Variants in PLS3 observed in about 807,000 individuals in gnomAD.
PLS3 encodes plastin-3.
A neutral mutation model predicts 46.5 loss-of-function variants in PLS3; 11 were observed. The observed-to-expected ratio is 0.24, with a 90% CI of 0.15 to 0.39. The LOEUF (loss-of-function observed/expected upper bound fraction) is 0.39. Among genes scored for constraint, PLS3 ranks in the 10% least tolerant of loss-of-function variants. The pLI, the probability that PLS3 is intolerant of heterozygous loss-of-function variation, is 1.00. For synonymous variants in PLS3, 167 were observed against 162.2 expected (o/e 1.03, Z -0.22); for missense variants, 308 against 461.8 (o/e 0.67, Z 3.05).
chrX:115,634,055 A>G lies in PLS3; in HGVS notation c.556A>G (p.Lys186Glu). Reference sequence around the variant, plus strand: ...CATTGATGAAAGAGCAATCAACAAGAAGAAACTTACACCCTTCATCATTCA... The same window carrying G: ...CATTGATGAAAGAGCAATCAACAAGGAGAAACTTACACCCTTCATCATTCA... Reference protein sequence around the residue: ...DTIDERAINKKKLTPFIIQEN... With the variant: ...DTIDERAINKEKLTPFIIQEN... The change falls in exon 6 of 16, where the codon AAG (lysine) becomes GAG (glutamate). Residue 186 changes from lysine (K) to glutamate (E), a missense_variant. Coordinates refer to ENST00000355899, the MANE Select transcript of PLS3 (RefSeq NM_005032.7). The G allele has an allele frequency of 1.7e-6, 2 of 1,157,352 alleles. No individual in the cohort carries two copies. The highest frequency in any genetic ancestry group is 2.4e-6 in the Non-Finnish European group (2 of 847,984).
chrX:115,597,245 G>A (rs1381183466), intron 1 of PLS3, among the ~76,000 whole-genome samples: 2 of 111,643 alleles, frequency 1.8e-5, no homozygotes, highest in Non-Finnish European at 3.8e-5. Context: ...GGCTAAAATG[G>A]CTTAGTCTAA....
intron 8 of PLS3, chrX:115,640,102 C>CT (rs1185971156): frequency 8.9e-7 from 1 of 1,124,241 alleles, no homozygotes; most frequent in East Asian, 3.3e-5. Flanking sequence ...CTTGTTTTGT[C>CT]TGTCAAGCTT....
At chrX:115,609,967 G>T (rs1225715005) in intron 1 of PLS3, among the ~76,000 whole-genome samples, 1 of 111,909 alleles carries the variant, frequency 8.9e-6, no homozygotes, top group Non-Finnish European at 1.9e-5. Context: ...TGTCACTGCT[G>T]GGTACTTTGG....
chrX:115,631,576 A>G, intron 5 of PLS3, among the ~76,000 whole-genome samples: 1 of 110,335 alleles, frequency 9.1e-6, no homozygotes, highest in South Asian at 3.9e-4. Context: ...CTACAAAAAA[A>G]TTAAAAATTA....
In PLS3 at chrX:115,647,614, A is replaced by T; in HGVS notation, c.1576A>T (p.Asn526Tyr). The stretch of plus-strand genomic sequence containing the variant: ...GAAAGCCAATGACGACATCATTGTG[A>T]ACTGGGTGAACAGAACGTTGAGTGA... ...GQKANDDIIV[N>Y]WVNRTLSEAG... The change falls in exon 14 of 16, where the codon AAC (asparagine) becomes TAC (tyrosine). Residue 526 changes from asparagine (N) to tyrosine (Y), a missense_variant. Around this residue, in one of 2 missense-constraint regions of PLS3, gnomAD observed 271 missense variants for 435.7 expected, o/e 0.62. Transcript: ENST00000355899. 2 of 1,202,102 alleles carry T rather than the reference A, an allele frequency of 1.7e-6. No individual in the cohort carries two copies. Among genetic ancestry groups the T allele is most frequent in the Non-Finnish European group, 2.3e-6 (2 of 886,804 alleles).
intron 5 of PLS3, among the ~76,000 whole-genome samples, chrX:115,631,142 C>G (rs189008965): frequency 9.5e-6 from 1 of 105,224 alleles, no homozygotes. Flanking sequence ...CCGCAACCTC[C>G]GCCTCTGGGT....
intron 2 of PLS3, among the ~76,000 whole-genome samples, chrX:115,610,614 A>T (rs2074539600): frequency 9.1e-6 from 1 of 109,344 alleles, no homozygotes; most frequent in Non-Finnish European, 1.9e-5. Flanking sequence ...GGTTCCTGAA[A>T]TTTTCATGCC....
intron 9 of PLS3, among the ~76,000 whole-genome samples, chrX:115,642,124 C>G (rs1351396300): frequency 2.0e-5 from 2 of 100,832 alleles, no homozygotes; most frequent in African/African-American, 3.7e-5. Context: ...AGCAATCCTT[C>G]TGCCTCGGCC....
intron 1 of PLS3, among the ~76,000 whole-genome samples, chrX:115,574,674 G>A: frequency 9.0e-6 from 1 of 110,711 alleles, no homozygotes; most frequent in Non-Finnish European, 1.9e-5. Flanking sequence ...CCGCCTCCCA[G>A]ATTCAAGCGA....
At position 115,640,327 on chromosome X, in the gene PLS3, A is replaced by G. The variant is rs986421613; in HGVS notation, c.892-81A>G. 15 of 710,827 alleles carry G rather than the reference A, an allele frequency of 2.1e-5. No individual in the cohort carries two copies. In the Admixed American group the frequency reaches 2.2e-4, roughly 11 times the overall value. The allele number at this position is 710,827 out of a possible 1,213,427, so 58.6% of individuals were successfully genotyped here. On this transcript the variant is annotated intron_variant, in intron 8 of 15. Coordinates refer to ENST00000355899, the MANE Select transcript of PLS3 (RefSeq NM_005032.7). ...ATTTATTCTCAAAAAATCCAATGCAAATAGCCTTCCAAACATGGGACAATA... is the reference window on the plus strand; with the variant it reads ...ATTTATTCTCAAAAAATCCAATGCAGATAGCCTTCCAAACATGGGACAATA...
chrX:115,623,864 G>A (rs890956191), intron 3 of PLS3, among the ~76,000 whole-genome samples: 1 of 112,147 alleles, frequency 8.9e-6, no homozygotes. Context: ...GAACACTGTA[G>A]TAGTCCAAGA....
At chrX:115,618,060 G>A (rs1332939403) in intron 2 of PLS3, among the ~76,000 whole-genome samples, 1 of 111,017 alleles carries the variant, frequency 9.0e-6, no homozygotes, top group Non-Finnish European at 1.9e-5. Flanking sequence ...CCAAAGCGCT[G>A]GGATTACAGG....
At chrX:115,646,655 C>A in intron 13 of PLS3, 120 bp downstream of exon 13, 1 of 617,631 alleles carries the variant, frequency 1.6e-6, no homozygotes. Context: ...GTTATATTTA[C>A]ACTCCGAAAT....
chrX:115,608,746 G>T (rs1162896273), intron 1 of PLS3, among the ~76,000 whole-genome samples: 1 of 111,928 alleles, frequency 8.9e-6, no homozygotes, highest in Non-Finnish European at 1.9e-5. Flanking sequence ...AGGCCATACC[G>T]TATAGTCTAG....
At position 115,616,615 on chromosome X, in the gene PLS3, C is replaced by T. The variant is rs782172667; in HGVS notation, c.74-5631C>T. Among the ~76,000 whole-genome samples, 10 of 111,803 alleles carry T rather than the reference C, an allele frequency of 8.9e-5. No homozygotes were observed. In the East Asian group the frequency reaches 2.8e-3, roughly 31 times the overall value. On this transcript the variant is annotated intron_variant, in intron 2 of 15. Transcript: ENST00000355899. ...ACCTTTTTACTGGCCTTCCAAACCACGTTAGATCTTTGATATTGTTTAAGG... is the reference window on the plus strand; with the variant it reads ...ACCTTTTTACTGGCCTTCCAAACCATGTTAGATCTTTGATATTGTTTAAGG...
intron 1 of PLS3, among the ~76,000 whole-genome samples, chrX:115,579,861 T>C (rs1178647518): frequency 1.8e-5 from 2 of 110,667 alleles, no homozygotes; most frequent in African/African-American, 6.6e-5. Flanking sequence ...GCCTCCCAAG[T>C]AGCTGGGACT....
chrX:115,575,421 C>T (rs1404115418), intron 1 of PLS3, among the ~76,000 whole-genome samples: 1 of 110,058 alleles, frequency 9.1e-6, no homozygotes, highest in Non-Finnish European at 1.9e-5. Context: ...TAAGCACTAC[C>T]GATTTTTCCA....
At chrX:115,592,763 A>C (rs1345493699) in intron 1 of PLS3, among the ~76,000 whole-genome samples, 1 of 111,595 alleles carries the variant, frequency 9.0e-6, no homozygotes, top group Non-Finnish European at 1.9e-5. Context: ...CCATGTATAA[A>C]ATAGTGAACT....
chrX:115,616,162 A>T (rs782522629), intron 2 of PLS3, among the ~76,000 whole-genome samples: 2 of 112,192 alleles, frequency 1.8e-5, no homozygotes, highest in Non-Finnish European at 3.8e-5. Flanking sequence ...GAAATTCACC[A>T]TCAAACATAC....
Sources: allele counts gnomAD v4.1 joint callset (sites outside exome capture counted in the v4.1 genomes callset), GRCh38; gene constraint gnomAD v4.1.1; regional missense constraint gnomAD v4.1.1; transcripts MANE v1.5; gene names NCBI Gene and HGNC (gene_info 2026-07-23, HGNC 2026-07-21).